The following RPRD1B variants were observed in gnomAD, a reference collection of about 807,000 sequenced individuals.
The protein encoded by RPRD1B is regulation of nuclear pre-mRNA domain containing 1B.
A neutral mutation model predicts 41.5 loss-of-function variants in RPRD1B; 11 were observed. The observed-to-expected ratio is 0.27, with a 90% CI of 0.17 to 0.44. The LOEUF (loss-of-function observed/expected upper bound fraction) is 0.44. Among genes scored for constraint, RPRD1B ranks in the 20% least tolerant of loss-of-function variants. The pLI is 1.00. For missense variants in RPRD1B, 248 were observed against 389.9 expected (o/e 0.64, Z 3.06); for synonymous variants, 158 against 155.6 (o/e 1.02, Z -0.12).
Position 38,091,984 on chromosome 20 carries a change from T to C in RPRD1B, c.*2109T>C. 1 of 985,894 alleles carries C rather than the reference T, an allele frequency of 1.0e-6. No individual in the cohort carries two copies. 61.1% of individuals were successfully genotyped at this position (985,894 alleles called of 1,614,324 possible). On this transcript the variant is annotated 3_prime_UTR_variant, in exon 7 of 7. Coordinates refer to ENST00000373433, the MANE Select transcript of RPRD1B (RefSeq NM_021215.4). ...TTAGTTTTTTGTTTTGATGAAATGCTTTCGTTTTTTAAATCTTAATTCTGC... is the reference window on the plus strand; with the variant it reads ...TTAGTTTTTTGTTTTGATGAAATGCCTTCGTTTTTTAAATCTTAATTCTGC...
intron 2 of RPRD1B, 49 bp downstream of exon 2, chr20:38,040,613 A>G (rs2074056462): frequency 1.9e-6 from 3 of 1,566,530 alleles, no homozygotes; most frequent in Non-Finnish European, 2.6e-6. Flanking sequence ...TGCCTTTCCC[A>G]CCTTTTTGTT....
chr20:38,035,496 C>T (rs1371201190), intron 1 of RPRD1B, among the ~76,000 whole-genome samples: 1 of 152,198 alleles, frequency 6.6e-6, no homozygotes, highest in Non-Finnish European at 1.5e-5. Flanking sequence ...CCAAAATCTT[C>T]ATGATTTTTT....
intron 6 of RPRD1B, among the ~76,000 whole-genome samples, chr20:38,071,090 G>A (rs546149662): frequency 2.6e-5 from 4 of 152,318 alleles, no homozygotes; most frequent in African/African-American, 9.6e-5. Flanking sequence ...AGAACTGAAA[G>A]CAGATAGTCC....
chr20:38,044,067 C>A (rs145706597), intron 2 of RPRD1B, among the ~76,000 whole-genome samples: 1 of 152,136 alleles, frequency 6.6e-6, no homozygotes. Context: ...CAGGGCTCAT[C>A]ATGTAGTCAT....
intron 2 of RPRD1B, among the ~76,000 whole-genome samples, chr20:38,043,763 G>A (rs990560386): frequency 3.3e-5 from 5 of 152,270 alleles, no homozygotes; most frequent in South Asian, 2.1e-4. Context: ...AATCAAAGAC[G>A]ATTTCTAGGT....
chr20:38,086,395 A>T (rs1278877740), intron 6 of RPRD1B, among the ~76,000 whole-genome samples: 2 of 152,230 alleles, frequency 1.3e-5, no homozygotes, highest in Non-Finnish European at 2.9e-5. Flanking sequence ...TTTTAAAGGC[A>T]ATTGCTGCCT....
At chr20:38,055,601 T>C (rs964114461) in intron 3 of RPRD1B, among the ~76,000 whole-genome samples, 1 of 152,214 alleles carries the variant, frequency 6.6e-6, no homozygotes. Context: ...TCCTGCAGCG[T>C]GCTCTTTCTT....
rs1461173307 is a variant in RPRD1B at position 38,040,672 on chromosome 20, CAG to C, written c.281+113_281+114del. Reference sequence around the variant, plus strand: ...TGTAAATTGACAACTTCCTACTTTACAGAGAGTTGTGGAGGCCGAATTGTGGT... The same window carrying C: ...TGTAAATTGACAACTTCCTACTTTACAGAGTTGTGGAGGCCGAATTGTGGT... On this transcript the variant is annotated intron_variant, in intron 2 of 6. Transcript: ENST00000373433. 7.1e-6 allele frequency: 9 copies of C among 1,260,704 alleles called. No individual in the cohort carries two copies. The East Asian group carries it at 1.5e-4, about 21-fold the overall frequency. The allele number at this position is 1,260,704 out of a possible 1,614,324, so 78.1% of individuals were successfully genotyped here.
chr20:38,063,800 G>A (rs981754575), intron 5 of RPRD1B, among the ~76,000 whole-genome samples: 7 of 152,216 alleles, frequency 4.6e-5, no homozygotes, highest in Non-Finnish European at 8.8e-5. Context: ...AGCAGGGAGC[G>A]TGAGGACAGC....
intron 3 of RPRD1B, among the ~76,000 whole-genome samples, chr20:38,053,037 T>C (rs910290324): frequency 2.0e-5 from 3 of 152,014 alleles, no homozygotes; most frequent in Admixed American, 6.6e-5. Context: ...GAGGATAGAA[T>C]AGAAGGTGCC....
intron 6 of RPRD1B, among the ~76,000 whole-genome samples, chr20:38,086,813 AAC>A (rs1244610778): frequency 6.6e-6 from 1 of 152,180 alleles, no homozygotes; most frequent in Non-Finnish European, 1.5e-5. Context: ...TGAAGAGTGG[AAC>A]ACATTTCTTT....
At chr20:38,060,665 C>T (rs367901276) in intron 5 of RPRD1B, among the ~76,000 whole-genome samples, 10 of 152,238 alleles carry the variant, frequency 6.6e-5, no homozygotes, top group African/African-American at 2.2e-4. Context: ...AGGCAGTGGG[C>T]GTACTGGGTT....
intron 6 of RPRD1B, among the ~76,000 whole-genome samples, chr20:38,084,175 G>T: frequency 1.3e-5 from 2 of 152,246 alleles, no homozygotes; most frequent in South Asian, 2.1e-4. Flanking sequence ...GTGTGGGTCA[G>T]CTTCCCCTTT....
chr20:38,073,574 T>A (rs1177241096), intron 6 of RPRD1B, among the ~76,000 whole-genome samples: 1 of 152,184 alleles, frequency 6.6e-6, no homozygotes, highest in East Asian at 1.9e-4. Context: ...CAGATTGTTG[T>A]TTTTGGCAGC....
Position 38,091,607 on chromosome 20 carries a change from T to C in RPRD1B, c.*1732T>C, listed in dbSNP as rs918845335. ...AAATTGCAAGATAAATTGTAATCTT[T>C]GCTGCTGCTGCACTCCCCAACCTCT... is the stretch of plus-strand genomic sequence containing the variant. On this transcript the variant is annotated 3_prime_UTR_variant, in exon 7 of 7. Transcript: ENST00000373433. The C allele has an allele frequency of 1.0e-6, 1 of 985,440 alleles. No homozygotes were observed. Among genetic ancestry groups the C allele is most frequent in the East Asian group, 1.1e-4 (1 of 8,834 alleles). The allele number at this position is 985,440 out of a possible 1,614,324, so 61.0% of individuals were successfully genotyped here.
chr20:38,044,372 ATTTT>A (rs74179885), intron 2 of RPRD1B, among the ~76,000 whole-genome samples: 2 of 124,538 alleles, frequency 1.6e-5, no homozygotes. Context: ...TCAGGTGTTC[ATTTT>A]TTTTTTTTTT....
At chr20:38,039,273 A>G (rs1381590552) in intron 1 of RPRD1B, among the ~76,000 whole-genome samples, 3 of 152,250 alleles carry the variant, frequency 2.0e-5, no homozygotes, top group Admixed American at 6.5e-5. Context: ...AATTTTCAAT[A>G]AGAGTGTAGT....
chr20:38,065,155 A>G (rs2074341647), intron 5 of RPRD1B, among the ~76,000 whole-genome samples: 1 of 152,206 alleles, frequency 6.6e-6, no homozygotes, highest in Non-Finnish European at 1.5e-5. Context: ...ACATTTTGTC[A>G]AATGTAGGAA....
chr20:38,090,976 G>A lies in RPRD1B; in HGVS notation c.*1101G>A, dbSNP rs1010738098. ...GATGTTATTGAATAGCTCGTCTCGG[G>A]CAGGGGAAGCGGGGAGTTGGGGATA... On this transcript the variant is annotated 3_prime_UTR_variant, in exon 7 of 7. Coordinates refer to ENST00000373433, the MANE Select transcript of RPRD1B (RefSeq NM_021215.4). 9 of 985,418 alleles carry A rather than the reference G, an allele frequency of 9.1e-6. No homozygotes were observed. Among genetic ancestry groups the A allele is most frequent in the African/African-American group, 7.0e-5 (4 of 57,236 alleles). The allele number at this position is 985,418 out of a possible 1,614,324, so 61.0% of individuals were successfully genotyped here. A position where few individuals can be genotyped will look rare whatever the true frequency, so the allele number is the denominator to read the frequency against.
Sources: allele counts gnomAD v4.1 joint callset (sites outside exome capture counted in the v4.1 genomes callset), GRCh38; gene constraint gnomAD v4.1.1; transcripts MANE v1.5; gene names NCBI Gene and HGNC (gene_info 2026-07-23, HGNC 2026-07-21).